Variants in GABRA3 observed in about 807,000 individuals in gnomAD.
GABRA3 encodes the protein gamma-aminobutyric acid receptor subunit alpha-3.
A neutral mutation model predicts 30.1 loss-of-function variants in GABRA3; 10 were observed. That is an observed-to-expected ratio of 0.33 (90% CI 0.20 to 0.56). The LOEUF (loss-of-function observed/expected upper bound fraction) is 0.56. Ranked by LOEUF, GABRA3 falls within the 20% of genes least tolerant of loss-of-function variation. GABRA3 has a pLI of 0.89. For synonymous variants in GABRA3, 151 were observed against 146.8 expected (o/e 1.03, Z -0.21); for missense variants, 233 against 392.0 (o/e 0.59, Z 3.42).
chrX:152,444,986 G>A (rs1160712974), intron 1 of GABRA3, among the ~76,000 whole-genome samples: 16 of 83,890 alleles, frequency 1.9e-4, no homozygotes, highest in South Asian at 7.0e-4. Context: ...GCGTGAACCC[G>A]GGAGGCGGAG....
chrX:152,193,309 C>T (rs952647374), intron 8 of GABRA3, among the ~76,000 whole-genome samples: 6 of 111,732 alleles, frequency 5.4e-5, no homozygotes, highest in African/African-American at 9.8e-5. Flanking sequence ...TTGTGTCTGG[C>T]TTCCTCCACT....
chrX:152,416,428 G>A (rs1363180755), intron 1 of GABRA3, among the ~76,000 whole-genome samples: 13 of 106,288 alleles, frequency 1.2e-4, no homozygotes, highest in East Asian at 1.2e-3. Context: ...AATCAATATC[G>A]TGAAAATGGC....
At chrX:152,332,526 A>G (rs1254358149) in intron 3 of GABRA3, among the ~76,000 whole-genome samples, 1 of 112,321 alleles carries the variant, frequency 8.9e-6, no homozygotes, top group Non-Finnish European at 1.9e-5. Flanking sequence ...CATCTATTTG[A>G]TAGGTTATTT....
intron 1 of GABRA3, among the ~76,000 whole-genome samples, chrX:152,444,158 G>T (rs1931005754): frequency 9.1e-6 from 1 of 110,316 alleles, no homozygotes; most frequent in Non-Finnish European, 1.9e-5. Context: ...ACAATCTTAA[G>T]GTATATTAGA....
chrX:152,335,346 G>A (rs1940218513), intron 3 of GABRA3, among the ~76,000 whole-genome samples: 1 of 111,937 alleles, frequency 8.9e-6, no homozygotes, highest in African/African-American at 3.3e-5. Context: ...GAGAGCATCA[G>A]ATCGTTCCCC....
chrX:152,259,467 G>C (rs887727043), intron 4 of GABRA3, among the ~76,000 whole-genome samples: 3 of 111,434 alleles, frequency 2.7e-5, no homozygotes, highest in African/African-American at 9.8e-5. Context: ...AGCTCCAAAA[G>C]AGATCGCTTC....
rs192945367 is a variant in GABRA3 at position 152,281,035 on chromosome X, G to T, written c.330+3633C>A. 3.6e-5 allele frequency among the ~76,000 whole-genome samples: 4 copies of T among 111,112 alleles called. No individual in the cohort carries two copies. In the East Asian group the frequency reaches 1.1e-3, roughly 32 times the overall value. On this transcript the variant is annotated intron_variant, in intron 4 of 9. Transcript: ENST00000370314. ...AGGGACTAGAAGAGAAGGTGGAGCA[G>T]TGCCTGGAGCCTTAGGATCTTGAGA...
chrX:152,176,027 C>T (rs1937070767), intron 9 of GABRA3, among the ~76,000 whole-genome samples: 1 of 108,725 alleles, frequency 9.2e-6, no homozygotes, highest in Non-Finnish European at 1.9e-5. Flanking sequence ...TTGCACCACT[C>T]TACTCCAGCC....
At chrX:152,359,104 G>A (rs60204193) in intron 2 of GABRA3, among the ~76,000 whole-genome samples, 13,475 of 111,075 alleles carry the variant, frequency 0.12, 673 homozygotes, top group African/African-American at 0.17. Context: ...TTCCTCCTCA[G>A]TTATTTGGAA....
At chrX:152,255,211 CTTA>C (rs1270957228) in intron 5 of GABRA3, among the ~76,000 whole-genome samples, 3 of 111,520 alleles carry the variant, frequency 2.7e-5, no homozygotes, top group Non-Finnish European at 5.7e-5. Context: ...GGAAAATTCA[CTTA>C]TTATCATCCT....
intron 6 of GABRA3, among the ~76,000 whole-genome samples, chrX:152,218,279 G>A (rs773103822): frequency 6.3e-5 from 7 of 110,318 alleles, no homozygotes; most frequent in Admixed American, 9.7e-5. Context: ...TAAATTTTGC[G>A]AACTTCCTTT....
chrX:152,245,895 A>G (rs1053578009), intron 5 of GABRA3, among the ~76,000 whole-genome samples: 1 of 111,730 alleles, frequency 9.0e-6, no homozygotes, highest in Non-Finnish European at 1.9e-5. Context: ...ACAGGACTAT[A>G]AGCAACTTGA....
intron 3 of GABRA3, among the ~76,000 whole-genome samples, chrX:152,295,474 A>G (rs1569387117): frequency 8.8e-6 from 1 of 113,094 alleles, no homozygotes; most frequent in Non-Finnish European, 1.9e-5. Flanking sequence ...GCAGTGAGCA[A>G]GGCTCCGTGG....
intron 1 of GABRA3, among the ~76,000 whole-genome samples, chrX:152,409,314 C>T (rs1020857351): frequency 9.0e-6 from 1 of 111,618 alleles, no homozygotes; most frequent in Middle Eastern, 4.6e-3. Flanking sequence ...CCACTGCACT[C>T]CAGCCAGGGT....
intron 4 of GABRA3, among the ~76,000 whole-genome samples, chrX:152,266,380 C>T (rs1215215253): frequency 9.0e-6 from 1 of 111,712 alleles, no homozygotes; most frequent in East Asian, 2.8e-4. Context: ...AAGACAAAAA[C>T]CATATGATCA....
Position 152,338,445 on chromosome X carries a change from T to C in GABRA3, c.262+7136A>G, listed in dbSNP as rs189556460. On this transcript the variant is annotated intron_variant, in intron 3 of 9. Transcript: ENST00000370314. ...TTCTAGTTGTTAATCTCTTGTCAGA[T>C]AGGTAGCTTGCAAATATTTTCTCCC... Among the ~76,000 whole-genome samples, 3 of 112,169 alleles carry C rather than the reference T, an allele frequency of 2.7e-5. No homozygotes were observed. In the Admixed American group the frequency reaches 2.8e-4, roughly 11 times the overall value.
intron 1 of GABRA3, among the ~76,000 whole-genome samples, chrX:152,379,778 AAT>A (rs1408521833): frequency 2.7e-5 from 3 of 111,704 alleles, no homozygotes; most frequent in Admixed American, 1.9e-4. Flanking sequence ...GACTTTACCA[AAT>A]ATCAGGACTG....
In GABRA3 at chrX:152,262,174, C is replaced by A. The variant is rs1374352715; in HGVS notation, c.331-6176G>T. On this transcript the variant is annotated intron_variant, in intron 4 of 9. Coordinates refer to ENST00000370314, the MANE Select transcript of GABRA3 (RefSeq NM_000808.4). ...TGCATGGAGCAGGGGGTTCCTGGACCTGGCCCATGAAACCATTTTTTCCTC... is the reference window on the plus strand; with the variant it reads ...TGCATGGAGCAGGGGGTTCCTGGACATGGCCCATGAAACCATTTTTTCCTC... Among the ~76,000 whole-genome samples the A allele has an allele frequency of 2.7e-5, 3 of 112,376 alleles. No individual in the cohort carries two copies. In the East Asian group the frequency reaches 8.4e-4, roughly 32 times the overall value.
At chrX:152,409,376 A>AT (rs1456068199) in intron 1 of GABRA3, among the ~76,000 whole-genome samples, 3 of 111,058 alleles carry the variant, frequency 2.7e-5, no homozygotes, top group African/African-American at 9.8e-5. Flanking sequence ...TCAAATCAAA[A>AT]TGGGTTAAAA....
Sources: gnomAD v4.1 joint callset for allele counts (sites outside exome capture counted in the v4.1 genomes callset) on GRCh38, gnomAD v4.1.1 for gene constraint, MANE v1.5 for transcripts, NCBI Gene and HGNC (gene_info 2026-07-23, HGNC 2026-07-21) for gene names.